Variants in CRISPLD1 observed in about 807,000 individuals in gnomAD.
CRISPLD1 encodes cysteine-rich secretory protein LCCL domain-containing 1.
Under a neutral mutation model 77.5 loss-of-function variants are expected in CRISPLD1, and 60 were observed. The observed-to-expected ratio is 0.77, with a 90% CI of 0.63 to 0.96. CRISPLD1 has a LOEUF of 0.96. Among genes scored for constraint, CRISPLD1 ranks in the 40% least tolerant of loss-of-function variants. The probability of loss-of-function intolerance (pLI) is 0.00; values close to 1 mark genes in which losing one functional copy is unlikely to be tolerated. For synonymous variants in CRISPLD1, 195 were observed against 200.1 expected, an observed-to-expected ratio of 0.97 and a Z score of 0.22; for missense variants, 623 against 615.8, an observed-to-expected ratio of 1.01 and a Z score of -0.12.
chr8:75,010,155 A>G (rs1305761097), intron 2 of CRISPLD1, among the ~76,000 whole-genome samples: 1 of 152,140 alleles, frequency 6.6e-6, no homozygotes, highest in Non-Finnish European at 1.5e-5. Flanking sequence ...AAATTAAGAT[A>G]CACTAATGAT....
intron 2 of CRISPLD1, among the ~76,000 whole-genome samples, chr8:74,989,342 C>A (rs1444745374): frequency 6.6e-6 from 1 of 152,092 alleles, no homozygotes; most frequent in Non-Finnish European, 1.5e-5. Flanking sequence ...TTAGGTCATT[C>A]AGTGATACTG....
In CRISPLD1 at chr8:75,012,690, C is replaced by T. The variant is rs776152711; in HGVS notation, c.377+139C>T. On this transcript the variant is annotated intron_variant, in intron 3 of 14. Transcript: ENST00000262207. ...CGAAACAAGTAACAAAAAATAAATG[C>T]CACACCAGAACAATCAGCAGTTTTT... The T allele has an allele frequency of 2.1e-4, 167 of 812,348 alleles. 1 individual carries two copies. The South Asian group carries it at 2.4e-3, about 12-fold the overall frequency. The allele number at this position is 812,348 out of a possible 1,614,324, so 50.3% of individuals were successfully genotyped here.
intron 12 of CRISPLD1, among the ~76,000 whole-genome samples, chr8:75,025,275 T>C (rs1020857786): frequency 7.9e-5 from 12 of 152,214 alleles, no homozygotes; most frequent in Admixed American, 2.6e-4. Context: ...TACATTGAGA[T>C]GCTTTCTGAT....
At chr8:75,027,749 C>G (rs182548988) in intron 13 of CRISPLD1, among the ~76,000 whole-genome samples, 1 of 152,008 alleles carries the variant, frequency 6.6e-6, no homozygotes, top group Admixed American at 6.5e-5. Context: ...CAGCCAGACT[C>G]CCTCCCTCCT....
chr8:75,012,570 T>TA lies in CRISPLD1; in HGVS notation c.377+19_377+20insA. On this transcript the variant is annotated intron_variant, in intron 3 of 14. Coordinates refer to ENST00000262207, the MANE Select transcript of CRISPLD1 (RefSeq NM_031461.6). ...GGGGAAGGTATCTTAAAGCACAACT[T>TA]TTTCTTTATGAAAAAATAAGTGTTT... The TA allele has an allele frequency of 6.7e-7, 1 of 1,481,486 alleles. No homozygotes were observed. Among genetic ancestry groups the TA allele is most frequent in the Middle Eastern group, 1.7e-4 (1 of 5,810 alleles). The allele number at this position is 1,481,486 out of a possible 1,614,324, so 91.8% of individuals were successfully genotyped here.
At chr8:74,992,733 CTG>C (rs1273456921) in intron 2 of CRISPLD1, among the ~76,000 whole-genome samples, 2 of 152,104 alleles carry the variant, frequency 1.3e-5, no homozygotes, top group Non-Finnish European at 2.9e-5. Context: ...ACTTTTCTAA[CTG>C]TAAGACGAAA....
chr8:74,992,073 A>G (rs963804583), intron 2 of CRISPLD1, among the ~76,000 whole-genome samples: 1 of 152,192 alleles, frequency 6.6e-6, no homozygotes, highest in Non-Finnish European at 1.5e-5. Context: ...TACTCAGTAA[A>G]CATTCATTGA....
rs150274198 is a variant in CRISPLD1 at position 74,986,088 on chromosome 8, A to G, written c.101A>G (p.Lys34Arg). The change falls in exon 2 of 15, where the codon AAA (lysine) becomes AGA (arginine). Residue 34 changes from lysine (K) to arginine (R), a missense_variant. Coordinates refer to ENST00000262207, the MANE Select transcript of CRISPLD1 (RefSeq NM_031461.6). ...MVVPNATLLE[K>R]LLEKYMDEDG... The stretch of plus-strand genomic sequence containing the variant: ...GTTCCCAATGCCACTTTATTGGAGA[A>G]ACTTTTGGAAAAATACATGGATGAG... 4.3e-5 allele frequency: 70 copies of G among 1,614,010 alleles called. No homozygotes were observed. Among genetic ancestry groups the G allele is most frequent in the Non-Finnish European group, 5.7e-5 (67 of 1,180,050 alleles).
At chr8:75,020,773 T>A (rs985266266) in intron 12 of CRISPLD1, among the ~76,000 whole-genome samples, 7 of 152,244 alleles carry the variant, frequency 4.6e-5, no homozygotes, top group African/African-American at 1.4e-4. Context: ...TCCAGTTTTT[T>A]AAATTAGATC....
intron 2 of CRISPLD1, among the ~76,000 whole-genome samples, chr8:74,991,165 A>G (rs899141512): frequency 2.0e-5 from 3 of 151,840 alleles, no homozygotes; most frequent in Non-Finnish European, 4.4e-5. Flanking sequence ...GCTAATTTTT[A>G]TATTTTTAAT....
intron 2 of CRISPLD1, among the ~76,000 whole-genome samples, chr8:75,009,872 T>C (rs1008294664): frequency 2.0e-5 from 3 of 152,114 alleles, no homozygotes; most frequent in African/African-American, 7.2e-5. Context: ...ACTTGAATTA[T>C]ACTTTTGTAT....
chr8:75,032,164 C>G (rs1335012711), intron 14 of CRISPLD1, 27 bp from the exon 15 acceptor site: 15 of 1,494,630 alleles, frequency 1.0e-5, no homozygotes, highest in Non-Finnish European at 1.2e-5. Flanking sequence ...CATCAATATA[C>G]TTTTCATATA....
At chr8:75,010,934 T>C (rs1173316178) in intron 2 of CRISPLD1, among the ~76,000 whole-genome samples, 1 of 151,992 alleles carries the variant, frequency 6.6e-6, no homozygotes, top group African/African-American at 2.4e-5. Flanking sequence ...ATATGTGCCC[T>C]CATACATCAC....
chr8:74,987,374 G>A (rs367668824), intron 2 of CRISPLD1, among the ~76,000 whole-genome samples: 18 of 152,090 alleles, frequency 1.2e-4, no homozygotes, highest in Admixed American at 5.9e-4. Context: ...GACATTGGGC[G>A]CTTGCTAATT....
At chr8:75,012,623 T>A in intron 3 of CRISPLD1, 72 bp downstream of exon 3, 1 of 1,080,916 alleles carries the variant, frequency 9.3e-7, no homozygotes, top group Middle Eastern at 2.0e-4. Context: ...AATTCATCAG[T>A]ACAATTTTTC....
At chr8:75,016,104 T>C (rs965991696) in intron 6 of CRISPLD1, among the ~76,000 whole-genome samples, 1 of 152,210 alleles carries the variant, frequency 6.6e-6, no homozygotes, top group Non-Finnish European at 1.5e-5. Flanking sequence ...ATGGATTTTG[T>C]CATAAATAAT....
At chr8:75,018,135 A>T (rs998874178) in intron 10 of CRISPLD1, among the ~76,000 whole-genome samples, 1 of 152,160 alleles carries the variant, frequency 6.6e-6, no homozygotes, top group African/African-American at 2.4e-5. Context: ...TTTCTTAGGA[A>T]ATTTGACATT....
At chr8:75,004,593 G>A (rs1056035465) in intron 2 of CRISPLD1, among the ~76,000 whole-genome samples, 1 of 152,082 alleles carries the variant, frequency 6.6e-6, no homozygotes, top group African/African-American at 2.4e-5. Context: ...TTAGGATCAC[G>A]TTGACAACTT....
At chr8:74,993,836 AG>A (rs1355446943) in intron 2 of CRISPLD1, among the ~76,000 whole-genome samples, 3 of 152,306 alleles carry the variant, frequency 2.0e-5, no homozygotes, top group Admixed American at 6.5e-5. Context: ...GGCACTATCT[AG>A]GGTTCTAGTA....
Sources: gnomAD v4.1 joint callset for allele counts (sites outside exome capture counted in the v4.1 genomes callset) on GRCh38, gnomAD v4.1.1 for gene constraint, MANE v1.5 for transcripts, NCBI Gene and HGNC (gene_info 2026-07-23, HGNC 2026-07-21) for gene names.